KCND3: variants seen among roughly 807,000 people sequenced by gnomAD.
KCND3 encodes the protein A-type voltage-gated potassium channel KCND3.
In KCND3, 9 loss-of-function variants were observed where a neutral mutation model predicts 51.1. The ratio of observed to expected loss-of-function variants is 0.18; its 90% CI spans 0.11 to 0.31. KCND3 has a LOEUF of 0.31. Ranked by LOEUF, KCND3 falls within the 10% of genes least tolerant of loss-of-function variation. The pLI, the probability that KCND3 is intolerant of heterozygous loss-of-function variation, is 1.00. For missense variants in KCND3, 526 were observed against 903.8 expected (o/e 0.58, Z 5.36); for synonymous variants, 349 against 368.0 (o/e 0.95, Z 0.59).
At chr1:111,799,769 CAG>C (rs1339586466) in intron 2 of KCND3, among the ~76,000 whole-genome samples, 7 of 152,232 alleles carry the variant, frequency 4.6e-5, no homozygotes, top group Admixed American at 1.3e-4. Flanking sequence ...TGGATGAATA[CAG>C]AGAGTGTGAG....
chr1:111,903,353 G>A (rs937787443), intron 2 of KCND3, among the ~76,000 whole-genome samples: 3 of 152,348 alleles, frequency 2.0e-5, no homozygotes, highest in African/African-American at 7.2e-5. Context: ...GATGTAGTGG[G>A]GGAGGGAAGA....
chr1:111,930,207 TG>T (rs1340226359), intron 2 of KCND3, among the ~76,000 whole-genome samples: 1 of 152,068 alleles, frequency 6.6e-6, no homozygotes, highest in Non-Finnish European at 1.5e-5. Context: ...CACAGAAAAT[TG>T]GCTTGAAAAC....
At chr1:111,805,353 A>G (rs1665517275) in intron 2 of KCND3, among the ~76,000 whole-genome samples, 2 of 152,174 alleles carry the variant, frequency 1.3e-5, no homozygotes, top group African/African-American at 4.8e-5. Context: ...CACCGCCACA[A>G]CCTGGATGCC....
At chr1:111,915,518 C>T (rs758988908) in intron 2 of KCND3, among the ~76,000 whole-genome samples, 5 of 151,818 alleles carry the variant, frequency 3.3e-5, no homozygotes, top group African/African-American at 7.3e-5. Flanking sequence ...TTTGGGAGGC[C>T]GAGGTGGGAG....
chr1:111,839,979 A>G (rs1667248225), intron 2 of KCND3, among the ~76,000 whole-genome samples: 1 of 152,222 alleles, frequency 6.6e-6, no homozygotes, highest in Non-Finnish European at 1.5e-5. Flanking sequence ...TAAACAACAA[A>G]CATTTCTTTC....
chr1:111,922,134 A>C (rs901184774), intron 2 of KCND3, among the ~76,000 whole-genome samples: 1 of 152,234 alleles, frequency 6.6e-6, no homozygotes, highest in Non-Finnish European at 1.5e-5. Flanking sequence ...AGACGAACAC[A>C]AGAGAGGCGA....
chr1:111,777,813 T>C (rs1163398268), intron 6 of KCND3, among the ~76,000 whole-genome samples: 1 of 152,224 alleles, frequency 6.6e-6, no homozygotes, highest in Admixed American at 6.5e-5. Flanking sequence ...GGATAGGGTT[T>C]CTTTTAATTA....
intron 2 of KCND3, among the ~76,000 whole-genome samples, chr1:111,971,746 T>C (rs1674340598): frequency 1.3e-5 from 2 of 152,190 alleles, no homozygotes; most frequent in Admixed American, 1.3e-4. Context: ...TCTTCCCTCT[T>C]GACCTCCTGA....
At chr1:111,859,585 C>T (rs532738865) in intron 2 of KCND3, among the ~76,000 whole-genome samples, 3 of 152,282 alleles carry the variant, frequency 2.0e-5, no homozygotes, top group Non-Finnish European at 4.4e-5. Flanking sequence ...CTGGACAGTA[C>T]TTTACAGAAG....
At chr1:111,913,295 T>C (rs12077633) in intron 2 of KCND3, among the ~76,000 whole-genome samples, 28,045 of 152,124 alleles carry the variant, frequency 0.18, 2,773 homozygotes, top group Admixed American at 0.27. Context: ...TTAGTGTAAG[T>C]ACACTCTATC....
chr1:111,965,438 C>CCACACACACACACACACACACACACA lies in KCND3; in HGVS notation c.1106+16157_1106+16182dup, dbSNP rs56156826. ...CCCCGACCCCTTATGGCCAGCAAAACCACACACACACACACACACACACAC... is the reference window on the plus strand; with the variant it reads ...CCCCGACCCCTTATGGCCAGCAAAACCACACACACACACACACACACACACACACACACACACACACACACACACAC... On this transcript the variant is annotated intron_variant, in intron 2 of 7. Coordinates refer to ENST00000302127, the MANE Select transcript of KCND3 (RefSeq NM_001378969.1). Among the ~76,000 whole-genome samples the CCACACACACACACACACACACACACA allele has an allele frequency of 5.4e-3, 394 of 72,398 alleles. 64 individuals carry two copies. Among genetic ancestry groups the CCACACACACACACACACACACACACA allele is most frequent in the Middle Eastern group, 8.9e-3 (1 of 112 alleles). The allele number at this position is 72,398 out of a possible 152,430, so 47.5% of individuals were successfully genotyped here. A position where few individuals can be genotyped will look rare whatever the true frequency, so the allele number is the denominator to read the frequency against.
chr1:111,986,083 G>GTAGT (rs955472969), intron 1 of KCND3, among the ~76,000 whole-genome samples: 4 of 152,178 alleles, frequency 2.6e-5, no homozygotes, highest in Admixed American at 2.0e-4. Flanking sequence ...AGGAGACTTA[G>GTAGT]TAGTTCCTCA....
chr1:111,781,941 T>TA (rs989543201), intron 3 of KCND3, among the ~76,000 whole-genome samples: 10 of 152,036 alleles, frequency 6.6e-5, no homozygotes, highest in Admixed American at 2.6e-4. Flanking sequence ...CTTGCTAGTT[T>TA]AAAAAAATGC....
intron 2 of KCND3, among the ~76,000 whole-genome samples, chr1:111,830,172 C>T (rs1050288075): frequency 1.3e-5 from 2 of 152,214 alleles, no homozygotes; most frequent in Admixed American, 1.3e-4. Context: ...CAGTGCCCAG[C>T]ACACAATAGG....
rs1665048984 is a variant in KCND3 at position 111,796,221 on chromosome 1, G to A, written c.1107-9115C>T. ...ATCCCATTTGTCAATTTTTGCTTTCGTTGCAATTACTTTCGGCATCTTTGT... is the reference window on the plus strand; with the variant it reads ...ATCCCATTTGTCAATTTTTGCTTTCATTGCAATTACTTTCGGCATCTTTGT... On this transcript the variant is annotated intron_variant, in intron 2 of 7. Transcript: ENST00000302127. 2.6e-5 allele frequency among the ~76,000 whole-genome samples: 4 copies of A among 152,156 alleles called. No homozygotes were observed. In the South Asian group the frequency reaches 6.2e-4, roughly 24 times the overall value.
At chr1:111,914,297 C>T (rs975246023) in intron 2 of KCND3, among the ~76,000 whole-genome samples, 2 of 148,352 alleles carry the variant, frequency 1.3e-5, no homozygotes, top group Admixed American at 6.7e-5. Context: ...CCCATAGCAT[C>T]GGTGACCTGT....
intron 2 of KCND3, among the ~76,000 whole-genome samples, chr1:111,930,665 A>G (rs1464488196): frequency 4.6e-5 from 3 of 64,578 alleles, no homozygotes; most frequent in Non-Finnish European, 1.0e-4. Flanking sequence ...CCAAGTGTAG[A>G]AAAAAAAAAA....
intron 2 of KCND3, among the ~76,000 whole-genome samples, chr1:111,924,775 C>T (rs954006605): frequency 1.3e-5 from 2 of 152,234 alleles, no homozygotes; most frequent in African/African-American, 4.8e-5. Context: ...TTGCATCTGA[C>T]TCTTTAATTT....
intron 2 of KCND3, among the ~76,000 whole-genome samples, chr1:111,802,156 T>C (rs767965477): frequency 3.3e-5 from 5 of 152,260 alleles, no homozygotes; most frequent in Admixed American, 1.3e-4. Context: ...CAGTGCTTAG[T>C]TCTTCTGCAT....
Sources: gnomAD v4.1 joint callset for allele counts (sites outside exome capture counted in the v4.1 genomes callset) on GRCh38, gnomAD v4.1.1 for gene constraint, MANE v1.5 for transcripts, NCBI Gene and HGNC (gene_info 2026-07-23, HGNC 2026-07-21) for gene names.